The following VSTM2B variants were observed in gnomAD, a reference collection of about 807,000 sequenced individuals.
The protein encoded by VSTM2B is V-set and transmembrane domain-containing protein 2B.
VSTM2B carries 24 observed loss-of-function variants against 24.0 expected under a neutral mutation model. That is an observed-to-expected ratio of 1.00 (90% CI 0.72 to 1.40). The LOEUF (loss-of-function observed/expected upper bound fraction) is 1.40. Ranked by LOEUF, VSTM2B falls within the 40% of genes most tolerant of loss-of-function variation. The pLI is 0.00. For missense variants in VSTM2B, 399 were observed against 416.4 expected (o/e 0.96, Z 0.36); for synonymous variants, 226 against 194.4 (o/e 1.16, Z -1.35).
chr19:29,528,932 G>C (rs36032943), intron 3 of VSTM2B: 1 of 984,988 alleles, frequency 1.0e-6, no homozygotes, highest in Non-Finnish European at 1.2e-6. Flanking sequence ...CTGGGTGCGG[G>C]GTGTTGCAGG....
upstream of VSTM2B, chr19:29,525,730 C>G (rs1002981973): frequency 1.3e-5 from 2 of 152,662 alleles, no homozygotes; most frequent in Non-Finnish European, 2.9e-5. Context: ...GCGGCCGTCT[C>G]GAGCCGTGCA....
At chr19:29,528,725 C>T (rs1186048209) in intron 3 of VSTM2B, among the ~76,000 whole-genome samples, 1 of 152,352 alleles carries the variant, frequency 6.6e-6, no homozygotes, top group East Asian at 1.9e-4. Flanking sequence ...TAAAACTCCC[C>T]TTGGTCGGAC....
In VSTM2B at chr19:29,556,016, C is replaced by T. The variant is rs2903185; in HGVS notation, c.770-7830C>T. Reference sequence around the variant, plus strand: ...TGTTACCATTTCTTCTTAAACTATTCCAAACAATTGAAAAGGAGGGACTTC... The same window carrying T: ...TGTTACCATTTCTTCTTAAACTATTTCAAACAATTGAAAAGGAGGGACTTC... On this transcript the variant is annotated intron_variant, in intron 4 of 4. Transcript: ENST00000335523. Among the ~76,000 whole-genome samples the T allele has an allele frequency of 9.2e-3, 1,393 of 152,062 alleles. 45 individuals carry two copies. Among genetic ancestry groups the T allele is most frequent in the East Asian group, 0.09 (467 of 5,170 alleles).
At chr19:29,544,663 A>ATG (rs1404777333) in intron 4 of VSTM2B, among the ~76,000 whole-genome samples, 1 of 152,032 alleles carries the variant, frequency 6.6e-6, no homozygotes, top group Non-Finnish European at 1.5e-5. Flanking sequence ...AGACAAAGAC[A>ATG]TGTGTACTGG....
chr19:29,563,993 T>C lies in VSTM2B; in HGVS notation c.*59T>C. 7.3e-7 allele frequency: 1 copy of C among 1,363,824 alleles called. No individual in the cohort carries two copies. The highest frequency in any genetic ancestry group is 1.2e-5 in the South Asian group (1 of 80,318). 84.5% of individuals were successfully genotyped at this position (1,363,824 alleles called of 1,614,324 possible). On this transcript the variant is annotated 3_prime_UTR_variant, in exon 5 of 5. Transcript: ENST00000335523. ...CACATGACCTGCCCGGGGCCCTCGG[T>C]GAGGACCATGTCGCTGGATGGACAC...
At position 29,551,527 on chromosome 19, in the gene VSTM2B, C is replaced by T. The variant is rs188660391; in HGVS notation, c.770-12319C>T. 9.2e-4 allele frequency among the ~76,000 whole-genome samples: 140 copies of T among 152,138 alleles called. No homozygotes were observed. The Middle Eastern group carries it at 0.014, about 15-fold the overall frequency. On this transcript the variant is annotated intron_variant, in intron 4 of 4. Coordinates refer to ENST00000335523, the MANE Select transcript of VSTM2B (RefSeq NM_001146339.2). ...GAGGGTCTCTTTCAAATGGCTCCAG[C>T]GTGTCTCTTATCCTGCTCACTATCT...
At chr19:29,552,860 G>T (rs1022827062) in intron 4 of VSTM2B, among the ~76,000 whole-genome samples, 1 of 152,200 alleles carries the variant, frequency 6.6e-6, no homozygotes, top group Admixed American at 6.5e-5. Context: ...AGGTCAGACT[G>T]CCCCTTTAGG....
At chr19:29,542,330 G>A (rs965239815) in intron 4 of VSTM2B, among the ~76,000 whole-genome samples, 1 of 151,894 alleles carries the variant, frequency 6.6e-6, no homozygotes, top group African/African-American at 2.4e-5. Context: ...TGTGTGAGTG[G>A]GTGGATGGAT....
At chr19:29,530,685 G>A (rs983744594) in intron 4 of VSTM2B, among the ~76,000 whole-genome samples, 1 of 152,136 alleles carries the variant, frequency 6.6e-6, no homozygotes, top group African/African-American at 2.4e-5. Flanking sequence ...ATCCCCAGAT[G>A]GGGGCACTGG....
In VSTM2B at chr19:29,529,935, G is replaced by A. The variant is rs1250688183; in HGVS notation, c.414G>A (p.Gln138=). 9 of 1,549,806 alleles carry A rather than the reference G, an allele frequency of 5.8e-6. No homozygotes were observed. Among genetic ancestry groups the A allele is most frequent in the Non-Finnish European group, 8.7e-7 (1 of 1,146,818 alleles). The change falls in exon 4 of 5, where the codon CAG becomes CAA. Residue 138 remains glutamine (Q), a synonymous_variant. Transcript: ENST00000335523. ...RVSDYSDDDT[Q]EHKAQAMLRV... ...CGGACTACAGCGACGACGACACGCA[G>A]GAGCACAAGGCCCAGGCGATGCTGC...
chr19:29,528,406 GTCTC>G (rs1969639763), intron 2 of VSTM2B, 23 bp from the exon 3 acceptor site: 1 of 1,551,020 alleles, frequency 6.4e-7, no homozygotes, highest in Non-Finnish European at 8.7e-7. Context: ...CGAGCCTCAC[GTCTC>G]TCTCTCCCTC....
At chr19:29,539,344 G>A (rs570608991) in intron 4 of VSTM2B, among the ~76,000 whole-genome samples, 6 of 152,294 alleles carry the variant, frequency 3.9e-5, no homozygotes, top group African/African-American at 1.2e-4. Context: ...GGCCTTTCGG[G>A]TGGCAAGGAG....
intron 4 of VSTM2B, among the ~76,000 whole-genome samples, chr19:29,556,320 G>C (rs368213155): frequency 6.6e-6 from 1 of 152,148 alleles, no homozygotes; most frequent in African/African-American, 2.4e-5. Flanking sequence ...AAAGGCCTTC[G>C]ATAAAATTCA....
chr19:29,547,537 G>A (rs565559885), intron 4 of VSTM2B, among the ~76,000 whole-genome samples: 1 of 152,332 alleles, frequency 6.6e-6, no homozygotes, highest in South Asian at 2.1e-4. Flanking sequence ...CCAGGCAATT[G>A]CCATGTCCTG....
At chr19:29,542,491 G>A (rs1970045003) in intron 4 of VSTM2B, among the ~76,000 whole-genome samples, 1 of 151,098 alleles carries the variant, frequency 6.6e-6, no homozygotes, top group Non-Finnish European at 1.5e-5. Context: ...GAAGGAAGAT[G>A]AGTGGATGGG....
At chr19:29,538,965 GC>G (rs1005542646) in intron 4 of VSTM2B, among the ~76,000 whole-genome samples, 2 of 152,126 alleles carry the variant, frequency 1.3e-5, no homozygotes, top group African/African-American at 4.8e-5. Context: ...CAGTGATGGG[GC>G]TGATGGAGCT....
chr19:29,547,991 A>T (rs1970189634), intron 4 of VSTM2B, among the ~76,000 whole-genome samples: 1 of 151,986 alleles, frequency 6.6e-6, no homozygotes, highest in Non-Finnish European at 1.5e-5. Flanking sequence ...TTTCTCAGGG[A>T]GAGTGTCCAG....
chr19:29,544,786 G>A (rs1414582964), intron 4 of VSTM2B, among the ~76,000 whole-genome samples: 1 of 152,150 alleles, frequency 6.6e-6, no homozygotes, highest in Non-Finnish European at 1.5e-5. Context: ...GGTTAAAAAT[G>A]CGAGGCCACC....
chr19:29,526,642 C>A lies in VSTM2B; in HGVS notation c.59C>A (p.Ala20Asp). The A allele has an allele frequency of 1.3e-6, 2 of 1,530,060 alleles. No individual in the cohort carries two copies. Among genetic ancestry groups the A allele is most frequent in the South Asian group, 2.4e-5 (2 of 82,900 alleles). The allele number at this position is 1,530,060 out of a possible 1,614,324, so 94.8% of individuals were successfully genotyped here. A position where few individuals can be genotyped will look rare whatever the true frequency, so the allele number is the denominator to read the frequency against. The stretch of plus-strand genomic sequence containing the variant: ...TACCTGCCGCCTCTGCTGCTGCATG[C>A]CCTGCTGCTCTTCGTGGCCGACGGT... ...LGYLPPLLLH[A>D]LLLFVADAAF... Residue 20 changes from alanine (A) to aspartate (D), a missense_variant, in exon 1 of 5, where the codon GCC (alanine) becomes GAC (aspartate). Ala to Asp is a moderately radical substitution (Grantham distance 126, BLOSUM62 -2). Coordinates refer to ENST00000335523, the MANE Select transcript of VSTM2B (RefSeq NM_001146339.2). The surrounding 1 kb of genome is among the most constrained non-coding windows in gnomAD (Gnocchi z 4.1).
Sources: gnomAD v4.1 joint callset for allele counts (sites outside exome capture counted in the v4.1 genomes callset) on GRCh38, gnomAD v4.1.1 for gene constraint, Gnocchi (gnomAD v3.1) non-coding constraint, MANE v1.5 for transcripts, NCBI Gene and HGNC (gene_info 2026-07-23, HGNC 2026-07-21) for gene names.